EPHX2: variants seen among roughly 807,000 people sequenced by gnomAD.
EPHX2 encodes the protein epoxide hydrolase 2, also known as bifunctional epoxide hydrolase 2.
Under a neutral mutation model 78.7 loss-of-function variants are expected in EPHX2, and 74 were observed. That is an observed-to-expected ratio of 0.94 (90% CI 0.78 to 1.14). The LOEUF is 1.14. Among genes scored for constraint, EPHX2 ranks in the 50% most tolerant of loss-of-function variants. EPHX2 has a pLI of 0.00. For synonymous variants in EPHX2, 251 were observed against 255.2 expected (o/e 0.98, Z 0.16); for missense variants, 715 against 702.5 (o/e 1.02, Z -0.20).
At chr8:27,525,620 G>A in intron 12 of EPHX2, 147 bp downstream of exon 12, 1 of 752,368 alleles carries the variant, frequency 1.3e-6, no homozygotes, top group Non-Finnish European at 2.3e-6. Context: ...AGGTGAAACT[G>A]GCTGCCATGC....
chr8:27,531,172 A>G (rs2132779496), intron 12 of EPHX2, among the ~76,000 whole-genome samples: 1 of 152,250 alleles, frequency 6.6e-6, no homozygotes, highest in Admixed American at 6.5e-5. Context: ...CCAAATATGG[A>G]GGGGTTTGGA....
chr8:27,495,535 G>A (rs1813540512), intron 1 of EPHX2, among the ~76,000 whole-genome samples: 1 of 152,152 alleles, frequency 6.6e-6, no homozygotes, highest in Non-Finnish European at 1.5e-5. Context: ...AAAGTGGCAG[G>A]GTTCAGGGCC....
At position 27,505,030 on chromosome 8, in the gene EPHX2, T is replaced by A; in HGVS notation, c.421T>A (p.Cys141Ser). 6.2e-7 allele frequency: 1 copy of A among 1,614,132 alleles called. No homozygotes were observed. The highest frequency in any genetic ancestry group is 8.5e-7 in the Non-Finnish European group (1 of 1,180,014). Residue 141 changes from cysteine to serine, a missense_variant, in exon 4 of 19, where the codon TGT (cysteine) becomes AGT (serine). Coordinates refer to ENST00000521400, the MANE Select transcript of EPHX2 (RefSeq NM_001979.6). ...AERDGLAQLM[C>S]ELKMHFDFLI... ...GAGAGATGGCCTGGCCCAGCTGATG[T>A]GTGAGCTGAAGATGCACTTTGACTT...
intron 3 of EPHX2, among the ~76,000 whole-genome samples, chr8:27,504,623 A>G (rs1463947628): frequency 6.6e-6 from 1 of 152,086 alleles, no homozygotes; most frequent in Non-Finnish European, 1.5e-5. Flanking sequence ...GGAGGGTAGG[A>G]TTGGCCCTGT....
intron 16 of EPHX2, 59 bp downstream of exon 16, chr8:27,541,601 C>T (rs1815404371): frequency 3.8e-6 from 6 of 1,583,680 alleles, no homozygotes; most frequent in Non-Finnish European, 5.2e-6. Flanking sequence ...GCGGGGCTTC[C>T]CATTGGCCTG....
In EPHX2 at chr8:27,525,093, TGTGTGTGTGTGTGTGCGCGCGCGCGC is replaced by T. The variant is rs1360249930; in HGVS notation, c.1059-267_1059-242del. On this transcript the variant is annotated intron_variant, in intron 11 of 18. Coordinates refer to ENST00000521400, the MANE Select transcript of EPHX2 (RefSeq NM_001979.6). ...CTGTGTGTGTGTGTGTGTGTGTGTG[TGTGTGTGTGTGTGTGCGCGCGCGCGC>T]GCGCACCTATGTGTCTAAGGCAAGT... Among the ~76,000 whole-genome samples, 16 of 145,460 alleles carry T rather than the reference TGTGTGTGTGTGTGTGCGCGCGCGCGC, an allele frequency of 1.1e-4. No individual in the cohort carries two copies. The East Asian group carries it at 3.2e-3, about 29-fold the overall frequency.
intron 15 of EPHX2, 27 bp downstream of exon 15, chr8:27,540,683 A>C (rs757737123): frequency 6.3e-7 from 1 of 1,599,278 alleles, no homozygotes; most frequent in Non-Finnish European, 8.6e-7. Flanking sequence ...GCCCAGACAC[A>C]GATGAGAGAT....
intron 16 of EPHX2, among the ~76,000 whole-genome samples, chr8:27,542,253 A>G (rs533019758): frequency 1.3e-5 from 2 of 152,208 alleles, no homozygotes; most frequent in African/African-American, 4.8e-5. Context: ...TGACCTCCCA[A>G]AATTAAGTCT....
chr8:27,516,042 C>T (rs1303812367), intron 7 of EPHX2, among the ~76,000 whole-genome samples: 1 of 152,182 alleles, frequency 6.6e-6, no homozygotes, highest in Non-Finnish European at 1.5e-5. Flanking sequence ...CACTCCATGC[C>T]CCCTGCTGGG....
chr8:27,505,220 C>G, intron 4 of EPHX2, 74 bp downstream of exon 4: 1 of 1,482,654 alleles, frequency 6.7e-7, no homozygotes, highest in Non-Finnish European at 9.3e-7. Context: ...GAGGAGTGAG[C>G]AGGTGGGATG....
At chr8:27,511,952 C>G (rs1450870853) in intron 6 of EPHX2, 42 bp downstream of exon 6, 3 of 1,594,080 alleles carry the variant, frequency 1.9e-6, no homozygotes, top group Non-Finnish European at 2.6e-6. Flanking sequence ...TGCTCTCCCA[C>G]CAGGTCACCT....
rs762089909 is a variant in EPHX2, at chr8:27,544,172, G to C, written c.1531-14G>C. 42 of 1,614,020 alleles carry C rather than the reference G, an allele frequency of 2.6e-5. No individual in the cohort carries two copies. Among genetic ancestry groups the C allele is most frequent in the Non-Finnish European group, 3.6e-5 (42 of 1,180,016 alleles). ...CTTCTTCCATTTACCTTTCTGCCTG[G>C]GGTTTCCTTTCAGATTCCCCACCTG... On this transcript the variant is annotated splice_polypyrimidine_tract_variant and intron_variant, in intron 17 of 18. Coordinates refer to ENST00000521400, the MANE Select transcript of EPHX2 (RefSeq NM_001979.6).
At chr8:27,494,012 A>C (rs1266464284) in intron 1 of EPHX2, among the ~76,000 whole-genome samples, 2 of 152,188 alleles carry the variant, frequency 1.3e-5, no homozygotes, top group African/African-American at 4.8e-5. Context: ...CAGGGGGTCC[A>C]GGGGTGAATG....
chr8:27,528,105 G>T (rs558741415), intron 12 of EPHX2, among the ~76,000 whole-genome samples: 16 of 152,288 alleles, frequency 1.1e-4, no homozygotes, highest in Non-Finnish European at 2.1e-4. Flanking sequence ...GATTGCAAAA[G>T]TGACCTTAGG....
intron 1 of EPHX2, 82 bp downstream of exon 1, chr8:27,491,391 A>T: frequency 1.8e-6 from 2 of 1,082,824 alleles, no homozygotes; most frequent in Non-Finnish European, 2.5e-6. Context: ...CAGCTTTCAG[A>T]TTGCTCCTGT....
intron 1 of EPHX2, among the ~76,000 whole-genome samples, chr8:27,498,622 A>C (rs752384260): frequency 6.6e-6 from 1 of 152,108 alleles, no homozygotes; most frequent in Non-Finnish European, 1.5e-5. Flanking sequence ...TGAGCTTCCT[A>C]TGAATAGCAT....
chr8:27,497,381 A>T (rs1387094999), intron 1 of EPHX2, among the ~76,000 whole-genome samples: 1 of 152,190 alleles, frequency 6.6e-6, no homozygotes, highest in Non-Finnish European at 1.5e-5. Flanking sequence ...GTCCTTGCAA[A>T]GCACACTGAT....
At chr8:27,537,049 A>T (rs897160896) in intron 13 of EPHX2, among the ~76,000 whole-genome samples, 194 bp downstream of exon 13, 6 of 152,234 alleles carry the variant, frequency 3.9e-5, no homozygotes, top group African/African-American at 1.4e-4. Flanking sequence ...GAGAATGATT[A>T]TAATAATGAT....
chr8:27,520,738 A>G lies in EPHX2; in HGVS notation c.946-145A>G, dbSNP rs773299585. ...CCTTAATCATCTCCTTAAAGGCTGT[A>G]TCTTCAAAAACAGTCCCATTCTGAG... On this transcript the variant is annotated intron_variant, in intron 9 of 18. Coordinates refer to ENST00000521400, the MANE Select transcript of EPHX2 (RefSeq NM_001979.6). 588 of 922,076 alleles carry G rather than the reference A, an allele frequency of 6.4e-4. 1 individual carries two copies. Among genetic ancestry groups the G allele is most frequent in the Non-Finnish European group, 9.0e-4 (510 of 563,556 alleles). The allele number at this position is 922,076 out of a possible 1,614,324, so 57.1% of individuals were successfully genotyped here.
Sources: gnomAD v4.1 joint callset for allele counts (sites outside exome capture counted in the v4.1 genomes callset) on GRCh38, gnomAD v4.1.1 for gene constraint, MANE v1.5 for transcripts, NCBI Gene and HGNC (gene_info 2026-07-23, HGNC 2026-07-21) for gene names.